The following DOCK4 variants were observed in gnomAD, a reference collection of about 807,000 sequenced individuals.
DOCK4 encodes dedicator of cytokinesis 4.
DOCK4 carries 97 observed loss-of-function variants against 268.1 expected under a neutral mutation model. That is an observed-to-expected ratio of 0.36 (90% confidence interval 0.31 to 0.43). The LOEUF (loss-of-function observed/expected upper bound fraction) is 0.43. DOCK4 is among the 20% of genes least tolerant of loss of function. The pLI is 1.00. For synonymous variants in DOCK4, 954 were observed against 887.2 expected (o/e 1.08, Z -1.34); for missense variants, 2,145 against 2,455.7 (o/e 0.87, Z 2.67).
At chr7:112,086,381 C>A (rs894539141) in intron 1 of DOCK4, among the ~76,000 whole-genome samples, 2 of 151,990 alleles carry the variant, frequency 1.3e-5, no homozygotes, top group Admixed American at 6.6e-5. Context: ...ATTATAGTTT[C>A]TATATTAAAT....
intron 8 of DOCK4, among the ~76,000 whole-genome samples, chr7:111,961,351 C>T (rs530694102): frequency 2.0e-5 from 3 of 152,300 alleles, no homozygotes; most frequent in African/African-American, 7.2e-5. Flanking sequence ...CTTCAGGATT[C>T]AACTTTAAAC....
At chr7:112,116,462 T>C (rs948430012) in intron 1 of DOCK4, among the ~76,000 whole-genome samples, 1 of 152,142 alleles carries the variant, frequency 6.6e-6, no homozygotes, top group African/African-American at 2.4e-5. Flanking sequence ...CTTACGATCA[T>C]ACATCAAAGA....
chr7:112,044,193 G>C (rs1804637301), intron 1 of DOCK4, among the ~76,000 whole-genome samples: 1 of 152,160 alleles, frequency 6.6e-6, no homozygotes, highest in South Asian at 2.1e-4. Flanking sequence ...TCCAGAGTCT[G>C]TGCTCTTAAA....
chr7:112,015,466 C>T (rs1801735874), intron 1 of DOCK4, among the ~76,000 whole-genome samples: 1 of 152,200 alleles, frequency 6.6e-6, no homozygotes, highest in Non-Finnish European at 1.5e-5. Flanking sequence ...TTTATCTCTA[C>T]TTCTCCAATA....
chr7:112,115,962 A>G (rs1812118826), intron 1 of DOCK4, among the ~76,000 whole-genome samples: 1 of 152,206 alleles, frequency 6.6e-6, no homozygotes, highest in African/African-American at 2.4e-5. Context: ...TACAGGCATG[A>G]GCCACCATGC....
chr7:111,872,349 G>A lies in DOCK4; in HGVS notation c.1846C>T (p.Leu616=), dbSNP rs182332960. 2.5e-5 allele frequency: 39 copies of A among 1,549,100 alleles called. No homozygotes were observed. Among genetic ancestry groups the A allele is most frequent in the Non-Finnish European group, 3.2e-5 (37 of 1,147,266 alleles). The change falls in exon 19 of 53, where the codon CTG becomes TTG. Residue 616 remains leucine, a synonymous_variant. Coordinates refer to ENST00000428084, the MANE Select transcript of DOCK4 (RefSeq NM_001363540.2). ...EIDGSEIVKF[L]QDTLDTLFGI... ...AATAAGGTATCCAGTGTATCCTGCA[G>A]AAACTGTTAGATAAAGAAGTAGCAA... is the stretch of plus-strand genomic sequence containing the variant.
intron 26 of DOCK4, among the ~76,000 whole-genome samples, chr7:111,833,525 C>G (rs940867805): frequency 1.3e-5 from 2 of 149,956 alleles, no homozygotes; most frequent in African/African-American, 5.0e-5. Flanking sequence ...GCCTGAGTAA[C>G]AGTAAAACCC....
intron 23 of DOCK4, among the ~76,000 whole-genome samples, chr7:111,851,896 T>C (rs1804594848): frequency 6.6e-6 from 1 of 151,682 alleles, no homozygotes. Flanking sequence ...CTAAAAGTGA[T>C]AAGGAGTGCA....
intron 14 of DOCK4, 66 bp downstream of exon 14, chr7:111,901,611 A>G: frequency 6.7e-7 from 1 of 1,484,700 alleles, no homozygotes; most frequent in South Asian, 1.2e-5. Context: ...AACTGATCAC[A>G]TTAAAGATTA....
At chr7:112,090,151 C>T (rs955728778) in intron 1 of DOCK4, among the ~76,000 whole-genome samples, 2 of 152,032 alleles carry the variant, frequency 1.3e-5, no homozygotes, top group African/African-American at 4.8e-5. Flanking sequence ...ATCAATCACA[C>T]AAATAAATGC....
chr7:111,798,851 T>C (rs1800077990), intron 30 of DOCK4, among the ~76,000 whole-genome samples: 1 of 152,248 alleles, frequency 6.6e-6, no homozygotes, highest in Admixed American at 6.5e-5. Flanking sequence ...CATGCTCATG[T>C]TGCCATTTGA....
chr7:112,100,081 T>C (rs1489927189), intron 1 of DOCK4, among the ~76,000 whole-genome samples: 1 of 152,228 alleles, frequency 6.6e-6, no homozygotes, highest in Non-Finnish European at 1.5e-5. Flanking sequence ...ACAATAAAAA[T>C]GAGCTGTGTT....
At chr7:111,756,597 T>C (rs781637890) in intron 41 of DOCK4, among the ~76,000 whole-genome samples, 11 of 152,120 alleles carry the variant, frequency 7.2e-5, no homozygotes, top group Non-Finnish European at 1.5e-4. Context: ...TGTGAAACCA[T>C]GCTGCCTTTG....
chr7:112,115,296 AATAG>A (rs1224159030), intron 1 of DOCK4, among the ~76,000 whole-genome samples: 2 of 152,198 alleles, frequency 1.3e-5, no homozygotes, highest in Non-Finnish European at 2.9e-5. Flanking sequence ...CTAGCCTAGG[AATAG>A]ATATTTTTCA....
chr7:111,900,218 C>T lies in DOCK4; in HGVS notation c.1480+156G>A, dbSNP rs370378469. Among the ~76,000 whole-genome samples the T allele has an allele frequency of 1.2e-3, 187 of 152,328 alleles. 2 individuals carry two copies. Among genetic ancestry groups the T allele is most frequent in the African/African-American group, 4.2e-3 (174 of 41,582 alleles). ...ACCAGAAACAGTTTAGCTTTTAACA[C>T]TGTGCCTCCCCTTTCTGGCTAATCT... On this transcript the variant is annotated intron_variant, in intron 15 of 52. Coordinates refer to ENST00000428084, the MANE Select transcript of DOCK4 (RefSeq NM_001363540.2).
chr7:111,754,178 C>G (rs1234257958), intron 42 of DOCK4, among the ~76,000 whole-genome samples: 1 of 152,184 alleles, frequency 6.6e-6, no homozygotes, highest in African/African-American at 2.4e-5. Flanking sequence ...AGCAGTCTCC[C>G]CACTTCCATG....
intron 25 of DOCK4, among the ~76,000 whole-genome samples, chr7:111,837,912 C>A (rs555540190): frequency 6.6e-6 from 1 of 151,550 alleles, no homozygotes; most frequent in Admixed American, 6.6e-5. Flanking sequence ...CATGGTGAAA[C>A]CTGAGCTCTA....
chr7:112,138,473 G>T (rs1814571042), intron 1 of DOCK4, among the ~76,000 whole-genome samples: 1 of 152,190 alleles, frequency 6.6e-6, no homozygotes, highest in South Asian at 2.1e-4. Flanking sequence ...GAATGGCCAA[G>T]AAAGTATTTG....
At chr7:111,740,266 AT>A (rs1358872399) in intron 47 of DOCK4, 16 of 280,944 alleles carry the variant, frequency 5.7e-5, no homozygotes, top group Middle Eastern at 1.2e-3. Flanking sequence ...TGCCCGGCTA[AT>A]TTTTGTATTT....
Sources: gnomAD v4.1 joint callset for allele counts (sites outside exome capture counted in the v4.1 genomes callset) on GRCh38, gnomAD v4.1.1 for gene constraint, MANE v1.5 for transcripts, NCBI Gene and HGNC (gene_info 2026-07-23, HGNC 2026-07-21) for gene names.